NAALADL2: variants seen among roughly 807,000 people sequenced by gnomAD.
NAALADL2 encodes N-acetylated alpha-linked acidic dipeptidase like 2, also known as inactive N-acetylated-alpha-linked acidic dipeptidase-like protein 2.
NAALADL2 carries 76 observed loss-of-function variants against 87.2 expected under a neutral mutation model. That is an observed-to-expected ratio of 0.87 (90% CI 0.72 to 1.05). The LOEUF is 1.05. Among genes scored for constraint, NAALADL2 ranks in the 50% least tolerant of loss-of-function variants. The pLI is 0.00. For synonymous variants in NAALADL2, 354 were observed against 331.0 expected (o/e 1.07, Z -0.75); for missense variants, 1,089 against 945.8 (o/e 1.15, Z -1.99).
intron 4 of NAALADL2, among the ~76,000 whole-genome samples, chr3:175,287,834 G>C (rs1755167403): frequency 6.6e-6 from 1 of 152,086 alleles, no homozygotes; most frequent in South Asian, 2.1e-4. Context: ...AATATGTGTT[G>C]AATCACCCTT....
intron 2 of NAALADL2, among the ~76,000 whole-genome samples, chr3:174,648,065 C>A (rs1411219727): frequency 6.6e-6 from 1 of 152,004 alleles, no homozygotes; most frequent in African/African-American, 2.4e-5. Context: ...TTTCAGTTAC[C>A]TATGGTCAAA....
chr3:175,531,517 G>A (rs1734084769), intron 9 of NAALADL2, among the ~76,000 whole-genome samples: 1 of 152,212 alleles, frequency 6.6e-6, no homozygotes, highest in East Asian at 1.9e-4. Context: ...ATGGACCAGT[G>A]TGATATCTTG....
chr3:174,768,204 T>G (rs951984906), intron 3 of NAALADL2, among the ~76,000 whole-genome samples: 1 of 152,104 alleles, frequency 6.6e-6, no homozygotes, highest in Non-Finnish European at 1.5e-5. Context: ...GATAAATTGT[T>G]TTGGAGAGGA....
chr3:175,805,495 T>A lies in NAALADL2; in HGVS notation c.*2292T>A, dbSNP rs1754624266. The A allele has an allele frequency of 6.6e-6, 1 of 151,906 alleles. No individual in the cohort carries two copies. The highest frequency in any genetic ancestry group is 1.5e-5 in the Non-Finnish European group (1 of 67,896). The allele number at this position is 151,906 out of a possible 1,614,324, so 9.4% of individuals were successfully genotyped here. ...GTCCAACAAATTCTGTACATGCTGC[T>A]TTACATCTTTGCAACAAACCTCTTA... On this transcript the variant is annotated 3_prime_UTR_variant, in exon 14 of 14. Coordinates refer to ENST00000454872, the MANE Select transcript of NAALADL2 (RefSeq NM_207015.3).
At chr3:175,781,106 G>A (rs1354365589) in intron 13 of NAALADL2, among the ~76,000 whole-genome samples, 9 of 152,126 alleles carry the variant, frequency 5.9e-5, no homozygotes. Flanking sequence ...TGGGAACTCA[G>A]CTAAAAATGA....
intron 1 of NAALADL2, among the ~76,000 whole-genome samples, chr3:174,924,629 A>G (rs1245841749): frequency 6.6e-6 from 1 of 152,120 alleles, no homozygotes; most frequent in Non-Finnish European, 1.5e-5. Context: ...TCCTTGAGGA[A>G]TCGCCACACT....
At chr3:174,981,321 G>A (rs1745079485) in intron 1 of NAALADL2, among the ~76,000 whole-genome samples, 2 of 152,192 alleles carry the variant, frequency 1.3e-5, no homozygotes, top group African/African-American at 2.4e-5. Flanking sequence ...AATTAAGTAT[G>A]TGAGTGTAAT....
intron 1 of NAALADL2, among the ~76,000 whole-genome samples, chr3:175,027,575 G>C (rs1037373309): frequency 5.3e-5 from 8 of 152,056 alleles, no homozygotes; most frequent in Admixed American, 2.0e-4. Context: ...TTCCAAATTA[G>C]AATGACTTAA....
intron 3 of NAALADL2, among the ~76,000 whole-genome samples, chr3:174,792,094 G>A (rs909811347): frequency 1.3e-5 from 2 of 152,016 alleles, no homozygotes; most frequent in South Asian, 2.1e-4. Flanking sequence ...GGTGGCACAC[G>A]CCTATAGTCC....
chr3:174,855,867 T>C (rs114359473), upstream of NAALADL2, among the ~76,000 whole-genome samples: 3,266 of 147,428 alleles, frequency 0.022, 192 homozygotes, highest in African/African-American at 0.079. Context: ...TGTGTATATA[T>C]GTATATATAC....
intron 3 of NAALADL2, among the ~76,000 whole-genome samples, chr3:174,764,764 A>G (rs371053099): frequency 6.6e-6 from 1 of 152,208 alleles, no homozygotes; most frequent in Non-Finnish European, 1.5e-5. Context: ...TTTGGGTTAG[A>G]TGAGAATAAG....
chr3:174,859,556 C>A, intron 1 of NAALADL2, 106 bp downstream of exon 1: 2 of 834,790 alleles, frequency 2.4e-6, no homozygotes, highest in Non-Finnish European at 3.9e-6. Context: ...CGCATCCCTG[C>A]ATGCATGTTC....
At chr3:175,226,553 T>C (rs891691123) in intron 2 of NAALADL2, among the ~76,000 whole-genome samples, 3 of 152,138 alleles carry the variant, frequency 2.0e-5, no homozygotes, top group South Asian at 4.1e-4. Context: ...TTATTTAATC[T>C]AGGACGTTCA....
intron 7 of NAALADL2, among the ~76,000 whole-genome samples, chr3:175,463,830 A>G (rs1352557279): frequency 1.3e-5 from 2 of 151,942 alleles, no homozygotes; most frequent in Admixed American, 6.6e-5. Context: ...CTTTTTTCTT[A>G]TACTCACCAT....
At chr3:174,709,960 T>C (rs1730461139) in intron 2 of NAALADL2, among the ~76,000 whole-genome samples, 1 of 152,232 alleles carries the variant, frequency 6.6e-6, no homozygotes, top group African/African-American at 2.4e-5. Context: ...GTATATCATT[T>C]ATAAGGCCTT....
intron 1 of NAALADL2, among the ~76,000 whole-genome samples, chr3:174,876,815 G>T (rs1208940946): frequency 6.6e-6 from 1 of 152,016 alleles, no homozygotes; most frequent in Admixed American, 6.6e-5. Flanking sequence ...TAGTTGGCTT[G>T]GGCTGCTAAA....
intron 2 of NAALADL2, among the ~76,000 whole-genome samples, chr3:174,597,320 C>G (rs184678632): frequency 4.2e-4 from 64 of 152,214 alleles, no homozygotes; most frequent in African/African-American, 1.5e-3. Flanking sequence ...ACATAGGTAC[C>G]CATTGCCTAA....
chr3:174,896,768 C>T (rs1285161398), intron 1 of NAALADL2, among the ~76,000 whole-genome samples: 1 of 152,164 alleles, frequency 6.6e-6, no homozygotes, highest in Non-Finnish European at 1.5e-5. Context: ...TTCCTGACTT[C>T]ATATTACGAT....
At chr3:175,472,475 C>T (rs1381542705) in intron 9 of NAALADL2, among the ~76,000 whole-genome samples, 2 of 152,018 alleles carry the variant, frequency 1.3e-5, no homozygotes, top group Non-Finnish European at 2.9e-5. Flanking sequence ...AACAATCATA[C>T]CACAACTTAG....
Sources: gnomAD v4.1 joint callset for allele counts (sites outside exome capture counted in the v4.1 genomes callset) on GRCh38, gnomAD v4.1.1 for gene constraint, MANE v1.5 for transcripts, NCBI Gene and HGNC (gene_info 2026-07-23, HGNC 2026-07-21) for gene names.